Variants in EXOC6B observed in about 807,000 individuals in gnomAD.
EXOC6B encodes SEC15 homolog B.
Under a neutral mutation model 113.5 loss-of-function variants are expected in EXOC6B, and 54 were observed. The ratio of observed to expected loss-of-function variants is 0.48; its 90% CI spans 0.38 to 0.60. The LOEUF (loss-of-function observed/expected upper bound fraction) is 0.60, where lower values mean the gene tolerates loss of function less well. Ranked by LOEUF, EXOC6B falls within the 20% of genes least tolerant of loss-of-function variation. The pLI is 0.00. For missense variants in EXOC6B, 797 were observed against 977.5 expected, an observed-to-expected ratio of 0.82 and a Z score of 2.46; for synonymous variants, 357 against 339.0, an observed-to-expected ratio of 1.05 and a Z score of -0.58.
At chr2:72,424,294 T>TA (rs1695084683) in intron 18 of EXOC6B, among the ~76,000 whole-genome samples, 1 of 152,114 alleles carries the variant, frequency 6.6e-6, no homozygotes, top group Admixed American at 6.5e-5. Flanking sequence ...TTTTTTTCAT[T>TA]AGATTTTTCT....
rs111545939 is a variant in EXOC6B, at chr2:72,680,644, C to T, written c.669+37459G>A. 1.5e-4 allele frequency among the ~76,000 whole-genome samples: 23 copies of T among 151,764 alleles called. 2 individuals are homozygous for T. The highest frequency in any genetic ancestry group is 4.6e-4 in the African/African-American group (19 of 41,362). ...ATCCCTGCTACTTGGGATGCTGAGC[C>T]AGGAGAATCACTTGGACCCAGGAGG... On this transcript the variant is annotated intron_variant, in intron 6 of 21. Coordinates refer to ENST00000272427, the MANE Select transcript of EXOC6B (RefSeq NM_015189.3).
intron 1 of EXOC6B, among the ~76,000 whole-genome samples, chr2:72,818,780 G>A (rs575415382): frequency 3.3e-5 from 5 of 152,122 alleles, no homozygotes; most frequent in South Asian, 2.1e-4. Context: ...ACTTCCCACC[G>A]TTATCCTTTT....
At position 72,779,338 on chromosome 2, in the gene EXOC6B, T is replaced by C. The variant is rs188502630; in HGVS notation, c.114-37869A>G. Among the ~76,000 whole-genome samples, 447 of 151,792 alleles carry C rather than the reference T, an allele frequency of 2.9e-3. 2 individuals are homozygous for C. Among genetic ancestry groups the C allele is most frequent in the African/African-American group, 7.9e-3 (328 of 41,462 alleles). ...TATAAATGTACATATTATAACTTGC[T>C]GTCCCCATACAAAATATATATAACA... On this transcript the variant is annotated intron_variant, in intron 1 of 21. Transcript: ENST00000272427.
At chr2:72,199,774 T>C (rs1307766240) in intron 20 of EXOC6B, among the ~76,000 whole-genome samples, 1 of 152,218 alleles carries the variant, frequency 6.6e-6, no homozygotes, top group African/African-American at 2.4e-5. Flanking sequence ...CAAAACATCC[T>C]GAAACCCTAG....
intron 8 of EXOC6B, among the ~76,000 whole-genome samples, chr2:72,522,493 TA>T (rs1358801377): frequency 2.0e-5 from 3 of 152,188 alleles, no homozygotes; most frequent in African/African-American, 7.2e-5. Flanking sequence ...ATTACAAAAG[TA>T]AAATATGTGA....
chr2:72,339,959 C>T (rs1476276170), intron 19 of EXOC6B, among the ~76,000 whole-genome samples: 4 of 151,910 alleles, frequency 2.6e-5, no homozygotes, highest in Admixed American at 1.3e-4. Context: ...CAAAAATATG[C>T]TATAATTTTA....
At chr2:72,376,808 T>G (rs1691388284) in intron 19 of EXOC6B, among the ~76,000 whole-genome samples, 1 of 152,202 alleles carries the variant, frequency 6.6e-6, no homozygotes, top group African/African-American at 2.4e-5. Flanking sequence ...TTTAGCTTTT[T>G]GCTGTAAAAC....
rs1311626333 is a variant in EXOC6B at position 72,703,046 on chromosome 2, A to G, written c.669+15057T>C. ...GCCTAGGTTTTCTTCTAGGGTTTTT[A>G]TGGTTTTAGGTCTAACGTTTAAGTC... On this transcript the variant is annotated intron_variant, in intron 6 of 21. Coordinates refer to ENST00000272427, the MANE Select transcript of EXOC6B (RefSeq NM_015189.3). 4.7e-5 allele frequency among the ~76,000 whole-genome samples: 7 copies of G among 147,372 alleles called. No homozygotes were observed. The East Asian group carries it at 1.5e-3, about 31-fold the overall frequency.
rs1417088187 is a variant in EXOC6B, at chr2:72,456,326, TA to T, written c.1980+8833del. Among the ~76,000 whole-genome samples, 5 of 152,262 alleles carry T rather than the reference TA, an allele frequency of 3.3e-5. No individual in the cohort carries two copies. In the East Asian group the frequency reaches 9.6e-4, roughly 29 times the overall value. On this transcript the variant is annotated intron_variant, in intron 18 of 21. Coordinates refer to ENST00000272427, the MANE Select transcript of EXOC6B (RefSeq NM_015189.3). ...GCTTTTGACTTCTCTTTTCTATAATTAAATGGTTACTTTTAATGACATATGA... is the reference window on the plus strand; with the variant it reads ...GCTTTTGACTTCTCTTTTCTATAATTAATGGTTACTTTTAATGACATATGA...
intron 20 of EXOC6B, among the ~76,000 whole-genome samples, chr2:72,194,489 C>T (rs1011330722): frequency 5.3e-5 from 8 of 151,970 alleles, no homozygotes; most frequent in African/African-American, 1.9e-4. Context: ...ATGACACAAT[C>T]AACCTTCTTT....
rs542257781 is a variant in EXOC6B, at chr2:72,484,651, C to A, written c.1666-3901G>T. Among the ~76,000 whole-genome samples the A allele has an allele frequency of 3.9e-4, 60 of 151,996 alleles. No homozygotes were observed. The Middle Eastern group carries it at 0.028, about 70-fold the overall frequency. ...GTATGTGTTGTTCCCTTCCCTGTGT[C>A]CATGTGTTCTCATTGTTCAACTCCC... On this transcript the variant is annotated intron_variant, in intron 16 of 21. Coordinates refer to ENST00000272427, the MANE Select transcript of EXOC6B (RefSeq NM_015189.3).
chr2:72,434,356 CT>C (rs1695728070), intron 18 of EXOC6B, among the ~76,000 whole-genome samples: 1 of 152,088 alleles, frequency 6.6e-6, no homozygotes, highest in Non-Finnish European at 1.5e-5. Flanking sequence ...GGATATTGAC[CT>C]GAAATTTTCT....
intron 1 of EXOC6B, among the ~76,000 whole-genome samples, chr2:72,811,276 A>C (rs1344885919): frequency 6.6e-6 from 1 of 152,144 alleles, no homozygotes; most frequent in African/African-American, 2.4e-5. Flanking sequence ...GTGCCACTGC[A>C]CTCCAGCTGG....
chr2:72,639,323 C>T (rs965810312), intron 6 of EXOC6B, among the ~76,000 whole-genome samples: 10 of 152,156 alleles, frequency 6.6e-5, no homozygotes, highest in African/African-American at 2.4e-4. Context: ...ACCACTCCTG[C>T]TTCCTGGGCA....
At chr2:72,623,609 C>A (rs1400309803) in intron 6 of EXOC6B, among the ~76,000 whole-genome samples, 1 of 152,132 alleles carries the variant, frequency 6.6e-6, no homozygotes, top group Non-Finnish European at 1.5e-5. Flanking sequence ...GTCACTACCC[C>A]CCAACTCCAC....
rs778558646 is a variant in EXOC6B, at chr2:72,731,176, T to C, written c.397A>G (p.Lys133Glu). 7 of 1,613,280 alleles carry C rather than the reference T, an allele frequency of 4.3e-6. No homozygotes were observed. In the South Asian group the frequency reaches 7.7e-5, roughly 18 times the overall value. ...QQRNISATVDKLMLCLPVLEM... is the reference protein window; with the variant it reads ...QQRNISATVDELMLCLPVLEM... The stretch of plus-strand genomic sequence containing the variant: ...TCACCTGGAAGACACAGCATTAATT[T>C]ATCAACAGTGGCAGAAATATTTCTC... The change falls in exon 4 of 22, where the codon AAA becomes GAA. Residue 133 changes from lysine (K) to glutamate (E), a missense_variant. By Grantham distance (56) the Lys-to-Glu change is moderately conservative. Coordinates refer to ENST00000272427, the MANE Select transcript of EXOC6B (RefSeq NM_015189.3).
intron 6 of EXOC6B, among the ~76,000 whole-genome samples, chr2:72,604,499 T>C (rs1432555831): frequency 6.6e-6 from 1 of 152,190 alleles, no homozygotes; most frequent in Non-Finnish European, 1.5e-5. Flanking sequence ...TCAAAAACTC[T>C]ACAACATAGA....
intron 20 of EXOC6B, among the ~76,000 whole-genome samples, chr2:72,220,788 G>C (rs1474592630): frequency 6.6e-6 from 1 of 152,050 alleles, no homozygotes; most frequent in African/African-American, 2.4e-5. Flanking sequence ...TGTACCCTGG[G>C]TAATGTTGTT....
intron 18 of EXOC6B, among the ~76,000 whole-genome samples, chr2:72,443,269 G>A (rs1345754262): frequency 6.7e-6 from 1 of 149,692 alleles, no homozygotes; most frequent in Non-Finnish European, 1.5e-5. Context: ...GTTGCAGTGA[G>A]CCAAGATCGC....
Sources: allele counts gnomAD v4.1 joint callset (sites outside exome capture counted in the v4.1 genomes callset), GRCh38; gene constraint gnomAD v4.1.1; transcripts MANE v1.5; gene names NCBI Gene and HGNC (gene_info 2026-07-23, HGNC 2026-07-21).